The following PLPP4 variants were observed in gnomAD, a reference collection of about 807,000 sequenced individuals.
The protein encoded by PLPP4 is diacylglycerol pyrophosphate like 2.
A neutral mutation model predicts 32.2 loss-of-function variants in PLPP4; 20 were observed. The ratio of observed to expected loss-of-function variants is 0.62; its 90% CI spans 0.44 to 0.90. The LOEUF (loss-of-function observed/expected upper bound fraction) is 0.90, where lower values mean the gene tolerates loss of function less well. Ranked by LOEUF, PLPP4 falls within the 40% of genes least tolerant of loss-of-function variation. The pLI, the probability that PLPP4 is intolerant of heterozygous loss-of-function variation, is 0.00. For missense variants in PLPP4, 257 were observed against 353.1 expected (o/e 0.73, Z 2.18); for synonymous variants, 127 against 133.0 (o/e 0.95, Z 0.31).
At chr10:120,482,376 C>G (rs1282696979) in intron 1 of PLPP4, among the ~76,000 whole-genome samples, 1 of 152,124 alleles carries the variant, frequency 6.6e-6, no homozygotes, top group Non-Finnish European at 1.5e-5. Context: ...GGAACTGGAG[C>G]AAAGATGACT....
In PLPP4 at chr10:120,491,672, T is replaced by A. The variant is rs527723875; in HGVS notation, c.57-12146T>A. On this transcript the variant is annotated intron_variant, in intron 1 of 6. Coordinates refer to ENST00000398250, the MANE Select transcript of PLPP4 (RefSeq NM_001030059.3). ...TTTACAGAACTTCTTGATGTGAAAA[T>A]TTTTAAATACCCTCCACCAATTATC... Among the ~76,000 whole-genome samples the A allele has an allele frequency of 2.6e-5, 4 of 152,268 alleles. No homozygotes were observed. The South Asian group carries it at 6.2e-4, about 24-fold the overall frequency.
chr10:120,520,271 T>A (rs1395625984), intron 4 of PLPP4, among the ~76,000 whole-genome samples: 3 of 152,114 alleles, frequency 2.0e-5, no homozygotes, highest in African/African-American at 7.2e-5. Flanking sequence ...TTCTGCATCA[T>A]GGAGCTGAGT....
chr10:120,559,230 A>C (rs1356407167), intron 5 of PLPP4, among the ~76,000 whole-genome samples: 1 of 152,018 alleles, frequency 6.6e-6, no homozygotes, highest in Non-Finnish European at 1.5e-5. Context: ...GGTTTTAAAA[A>C]TATTATGGAT....
At position 120,589,537 on chromosome 10, in the gene PLPP4, G is replaced by A. The variant is rs558658929; in HGVS notation, c.*35G>A. Reference sequence around the variant, plus strand: ...TGGGAGGATGGACACTAAGCCCTGGGCACATCTGCCACCCTGACATCATAA... The same window carrying A: ...TGGGAGGATGGACACTAAGCCCTGGACACATCTGCCACCCTGACATCATAA... On this transcript the variant is annotated 3_prime_UTR_variant, in exon 7 of 7. Transcript: ENST00000398250. 4 of 1,528,588 alleles carry A rather than the reference G, an allele frequency of 2.6e-6. No individual in the cohort carries two copies. In the East Asian group the frequency reaches 9.0e-5, roughly 34 times the overall value. The allele number at this position is 1,528,588 out of a possible 1,614,324, so 94.7% of individuals were successfully genotyped here. A position where few individuals can be genotyped will look rare whatever the true frequency, so the allele number is the denominator to read the frequency against.
At chr10:120,471,948 C>T (rs867973732) in intron 1 of PLPP4, among the ~76,000 whole-genome samples, 14 of 151,946 alleles carry the variant, frequency 9.2e-5, no homozygotes, top group Middle Eastern at 3.5e-3. Context: ...TACTTATTAC[C>T]ATCATCTTCC....
chr10:120,584,026 ATT>A (rs1376286048), intron 6 of PLPP4, among the ~76,000 whole-genome samples: 1 of 152,222 alleles, frequency 6.6e-6, no homozygotes, highest in Non-Finnish European at 1.5e-5. Context: ...TGACTGGTCA[ATT>A]TGTGTCCTGT....
At chr10:120,549,244 G>A (rs1343483947) in intron 5 of PLPP4, among the ~76,000 whole-genome samples, 3 of 150,774 alleles carry the variant, frequency 2.0e-5, no homozygotes, top group African/African-American at 4.9e-5. Context: ...TTAAAGAAAA[G>A]ATAATCTTGT....
chr10:120,504,243 T>G (rs1177609860), intron 2 of PLPP4, among the ~76,000 whole-genome samples: 1 of 152,188 alleles, frequency 6.6e-6, no homozygotes, highest in East Asian at 1.9e-4. Context: ...GGCGGGAACA[T>G]GCTTGAACAA....
chr10:120,587,935 C>T (rs1047546839), intron 6 of PLPP4, among the ~76,000 whole-genome samples: 3 of 152,190 alleles, frequency 2.0e-5, no homozygotes, highest in East Asian at 3.8e-4. Flanking sequence ...CCCTTCAGCC[C>T]GTGGGGCCTG....
In PLPP4 at chr10:120,457,309, C is replaced by A. The variant is rs1251013405; in HGVS notation, c.4C>A (p.Arg2=). Reference sequence around the variant, plus strand: ...CGGGAGCTGCTCCGGCCGCACCATGCGGGAGCTGGCCATTGAGATCGGGGT... The same window carrying A: ...CGGGAGCTGCTCCGGCCGCACCATGAGGGAGCTGGCCATTGAGATCGGGGT... M[R]ELAIEIGVRA... is the part of the protein sequence containing the mutation. The change falls in exon 1 of 7, where the codon CGG becomes AGG. Residue 2 remains arginine (R), a synonymous_variant. Coordinates refer to ENST00000398250, the MANE Select transcript of PLPP4 (RefSeq NM_001030059.3). 1.3e-6 allele frequency: 2 copies of A among 1,526,424 alleles called. No individual in the cohort carries two copies. The highest frequency in any genetic ancestry group is 1.8e-6 in the Non-Finnish European group (2 of 1,135,588). The allele number at this position is 1,526,424 out of a possible 1,614,324, so 94.6% of individuals were successfully genotyped here.
rs141309939 is a variant in PLPP4 at position 120,511,272 on chromosome 10, C to T, written c.166-2639C>T. 3.5e-3 allele frequency among the ~76,000 whole-genome samples: 530 copies of T among 152,300 alleles called. 2 individuals are homozygous for T. The highest frequency in any genetic ancestry group is 0.012 in the African/African-American group (501 of 41,550). On this transcript the variant is annotated intron_variant, in intron 2 of 6. Transcript: ENST00000398250. ...AGTCATTGGGCAGCTCTAATGAATT[C>T]TTCAGCCTGCACACCTGGCCTTGAT...
At chr10:120,535,572 T>C (rs1399383428) in intron 5 of PLPP4, among the ~76,000 whole-genome samples, 1 of 152,178 alleles carries the variant, frequency 6.6e-6, no homozygotes, top group Non-Finnish European at 1.5e-5. Context: ...TGATTGTAGA[T>C]TTGTCTGTTT....
intron 5 of PLPP4, among the ~76,000 whole-genome samples, chr10:120,530,850 G>A (rs1328287705): frequency 1.3e-5 from 2 of 152,058 alleles, no homozygotes; most frequent in African/African-American, 2.4e-5. Flanking sequence ...AGTCATTTTG[G>A]TGGGTGCATA....
chr10:120,542,861 A>C (rs780195343), intron 5 of PLPP4, among the ~76,000 whole-genome samples: 2 of 152,102 alleles, frequency 1.3e-5, no homozygotes, highest in African/African-American at 4.8e-5. Flanking sequence ...TCATCTTCCA[A>C]AATTATTCTG....
intron 5 of PLPP4, among the ~76,000 whole-genome samples, chr10:120,538,052 C>CTCTCTCTGTGTGTG (rs1847142984): frequency 2.6e-4 from 5 of 18,984 alleles, no homozygotes; most frequent in East Asian, 2.0e-3. Context: ...CTCTCTCTCT[C>CTCTCTCTGTGTGTG]TGTGTGTGTG....
chr10:120,552,079 T>A (rs1247488544), intron 5 of PLPP4, among the ~76,000 whole-genome samples: 2 of 152,102 alleles, frequency 1.3e-5, no homozygotes, highest in African/African-American at 4.8e-5. Flanking sequence ...TAAATATCTG[T>A]TGAATTAGTA....
intron 4 of PLPP4, among the ~76,000 whole-genome samples, chr10:120,520,133 AC>A: frequency 6.6e-6 from 1 of 152,238 alleles, no homozygotes; most frequent in Admixed American, 6.5e-5. Context: ...CCTAGTAAGC[AC>A]TCAGGACTTC....
chr10:120,577,822 T>A (rs914903863), intron 6 of PLPP4, among the ~76,000 whole-genome samples: 16 of 152,206 alleles, frequency 1.1e-4, no homozygotes, highest in African/African-American at 3.1e-4. Context: ...TTCCCTTGGA[T>A]GCTCTAAAGG....
chr10:120,505,102 C>T (rs1194167713), intron 2 of PLPP4, among the ~76,000 whole-genome samples: 2 of 152,270 alleles, frequency 1.3e-5, no homozygotes, highest in Admixed American at 6.5e-5. Context: ...TTCCACCCAG[C>T]ATCCCAGTGA....
Sources: gnomAD v4.1 joint callset for allele counts (sites outside exome capture counted in the v4.1 genomes callset) on GRCh38, gnomAD v4.1.1 for gene constraint, MANE v1.5 for transcripts, NCBI Gene and HGNC (gene_info 2026-07-23, HGNC 2026-07-21) for gene names.